The following TMEM266 variants were observed in gnomAD, a reference collection of about 807,000 sequenced individuals.
The protein encoded by TMEM266 is transmembrane protein 266.
In TMEM266, 33 loss-of-function variants were observed where a neutral mutation model predicts 50.5. The observed-to-expected ratio is 0.65, with a 90% CI of 0.50 to 0.87. The LOEUF is 0.87. Among genes scored for constraint, TMEM266 ranks in the 40% least tolerant of loss-of-function variants. TMEM266 has a pLI of 0.00. For synonymous variants in TMEM266, 310 were observed against 292.3 expected, an observed-to-expected ratio of 1.06 and a Z score of -0.62; for missense variants, 655 against 695.1, an observed-to-expected ratio of 0.94 and a Z score of 0.65.
chr15:76,098,594 A>C (rs2036954988), intron 1 of TMEM266, among the ~76,000 whole-genome samples: 1 of 152,120 alleles, frequency 6.6e-6, no homozygotes, highest in Non-Finnish European at 1.5e-5. Context: ...GACCCTTAGC[A>C]GAGCTTGAAC....
chr15:76,177,482 C>G (rs2038305099), intron 8 of TMEM266, among the ~76,000 whole-genome samples: 1 of 152,384 alleles, frequency 6.6e-6, no homozygotes, highest in Non-Finnish European at 1.5e-5. Flanking sequence ...AACACGCACA[C>G]AGTGTCTTCA....
At chr15:76,104,776 C>T (rs1312286137) in intron 1 of TMEM266, among the ~76,000 whole-genome samples, 1 of 152,104 alleles carries the variant, frequency 6.6e-6, no homozygotes, top group Non-Finnish European at 1.5e-5. Flanking sequence ...AGTCAGTCAT[C>T]CAGGAAAGAG....
chr15:76,146,409 T>C (rs2037756695), intron 3 of TMEM266, among the ~76,000 whole-genome samples: 1 of 152,182 alleles, frequency 6.6e-6, no homozygotes, highest in Admixed American at 6.5e-5. Context: ...ATCTTAGGGT[T>C]CTAAAAGGCC....
intron 3 of TMEM266, among the ~76,000 whole-genome samples, chr15:76,142,435 T>C (rs2037695049): frequency 6.6e-6 from 1 of 152,078 alleles, no homozygotes; most frequent in Admixed American, 6.5e-5. Context: ...TGCTTTTGGG[T>C]ATATATCCAA....
chr15:76,164,500 G>A (rs1372873674), intron 5 of TMEM266, among the ~76,000 whole-genome samples: 1 of 149,726 alleles, frequency 6.7e-6, no homozygotes. Context: ...GAGCCACTGT[G>A]TCCAGCCCCA....
chr15:76,125,406 G>C (rs918672401), intron 1 of TMEM266, among the ~76,000 whole-genome samples: 2 of 151,646 alleles, frequency 1.3e-5, no homozygotes, highest in African/African-American at 4.8e-5. Flanking sequence ...TATCAGATAA[G>C]GAGTTAAAAT....
intron 1 of TMEM266, among the ~76,000 whole-genome samples, chr15:76,132,405 G>A (rs979922562): frequency 1.1e-4 from 17 of 151,906 alleles, no homozygotes; most frequent in African/African-American, 4.1e-4. Context: ...CACCGCGCCT[G>A]GCCTACCAAT....
chr15:76,191,293 C>T (rs962650712), intron 8 of TMEM266, among the ~76,000 whole-genome samples: 4 of 152,242 alleles, frequency 2.6e-5, no homozygotes, highest in African/African-American at 9.6e-5. Flanking sequence ...AAATAGGCTG[C>T]CACGCCATCT....
intron 5 of TMEM266, among the ~76,000 whole-genome samples, chr15:76,167,589 C>T (rs1238770316): frequency 6.6e-6 from 1 of 152,046 alleles, no homozygotes; most frequent in Admixed American, 6.5e-5. Context: ...GTAACCTCCG[C>T]CTCCCAGGTT....
At chr15:76,158,703 G>A (rs2037964919) in intron 4 of TMEM266, among the ~76,000 whole-genome samples, 1 of 152,200 alleles carries the variant, frequency 6.6e-6, no homozygotes, top group African/African-American at 2.4e-5. Context: ...AAATAATGGG[G>A]AGAGATTTTA....
chr15:76,169,782 G>A (rs2038159241), intron 5 of TMEM266, 34 bp from the exon 6 acceptor site: 1 of 1,604,362 alleles, frequency 6.2e-7, no homozygotes, highest in African/African-American at 1.3e-5. Flanking sequence ...AGGAAGACCT[G>A]GAGAATAACC....
intron 1 of TMEM266, among the ~76,000 whole-genome samples, chr15:76,130,254 A>AAAACC: frequency 2.9e-5 from 1 of 34,942 alleles, no homozygotes; most frequent in East Asian, 8.0e-4. Context: ...AAAAAAAAAA[A>AAAACC]CCGCCGGGTG....
chr15:76,188,578 G>A (rs913670517), intron 8 of TMEM266, among the ~76,000 whole-genome samples: 6 of 152,092 alleles, frequency 3.9e-5, no homozygotes, highest in Non-Finnish European at 7.3e-5. Flanking sequence ...CTCCAGCCCG[G>A]GTGACGGAGC....
At position 76,203,934 on chromosome 15, in the gene TMEM266, G is replaced by A. The variant is rs770009940; in HGVS notation, c.1215G>A (p.Leu405=). The A allele has an allele frequency of 3.7e-6, 6 of 1,614,018 alleles. No homozygotes were observed. Among genetic ancestry groups the A allele is most frequent in the Non-Finnish European group, 4.2e-6 (5 of 1,180,006 alleles). The stretch of plus-strand genomic sequence containing the variant: ...CCCAGAGTGACAGCAGCCAGACGCT[G>A]GGCTCCTCCATGGACTGCAGCACTG... Residue 405 remains leucine (L), a synonymous_variant, in exon 11 of 11, where the codon CTG becomes CTA. Coordinates refer to ENST00000388942, the MANE Select transcript of TMEM266 (RefSeq NM_152335.3).
In TMEM266 at chr15:76,168,141, G is replaced by A. The variant is rs1237459895; in HGVS notation, c.457-1675G>A. 6.6e-6 allele frequency among the ~76,000 whole-genome samples: 1 copy of A among 152,178 alleles called. No individual in the cohort carries two copies. The highest frequency in any genetic ancestry group is 1.9e-4 in the East Asian group (1 of 5,196). On this transcript the variant is annotated intron_variant, in intron 5 of 10. Coordinates refer to ENST00000388942, the MANE Select transcript of TMEM266 (RefSeq NM_152335.3). The surrounding 1 kb of genome is among the most constrained non-coding windows in gnomAD (Gnocchi z 4.4). ...TTGAGCTCTGATCTCAAGACATTGT[G>A]GCCACCCCACCCAGATCTCTCCCCA...
At position 76,168,158 on chromosome 15, in the gene TMEM266, C is replaced by A. The variant is rs1596147948; in HGVS notation, c.457-1658C>A. On this transcript the variant is annotated intron_variant, in intron 5 of 10. Transcript: ENST00000388942. The surrounding 1 kb of genome is among the most constrained non-coding windows in gnomAD (Gnocchi z 4.4). ...GACATTGTGGCCACCCCACCCAGATCTCTCCCCACCCCTGCAAGCTGTCTC... is the reference window on the plus strand; with the variant it reads ...GACATTGTGGCCACCCCACCCAGATATCTCCCCACCCCTGCAAGCTGTCTC... Among the ~76,000 whole-genome samples the A allele has an allele frequency of 6.6e-6, 1 of 152,064 alleles. No individual in the cohort carries two copies. Among genetic ancestry groups the A allele is most frequent in the South Asian group, 2.1e-4 (1 of 4,826 alleles).
chr15:76,170,464 G>T (rs1306041770), intron 6 of TMEM266, among the ~76,000 whole-genome samples: 2 of 152,262 alleles, frequency 1.3e-5, no homozygotes, highest in Non-Finnish European at 2.9e-5. Flanking sequence ...TCAGAACACG[G>T]CCAGGCTGGG....
chr15:76,203,884 G>C lies in TMEM266; in HGVS notation c.1165G>C (p.Ala389Pro), dbSNP rs1299432851. 6.2e-7 allele frequency: 1 copy of C among 1,614,042 alleles called. No homozygotes were observed. The highest frequency in any genetic ancestry group is 8.5e-7 in the Non-Finnish European group (1 of 1,180,044). Residue 389 changes from alanine (A) to proline (P), a missense_variant, in exon 11 of 11, where the codon GCC becomes CCC. Physicochemically the swap from Ala to Pro is conservative, Grantham distance 27 (BLOSUM62 -1). This residue lies in a region of TMEM266 where 455 missense variants were observed against 401.8 expected (regional missense o/e 1.13). Transcript: ENST00000388942. Reference protein sequence around the residue: ...ESASRSSVTRAQSDSSQTLGS... With the variant: ...ESASRSSVTRPQSDSSQTLGS... ...TGGCACCAGCGCCACCTCGGAGAGT[G>C]CCTCCCGCAGCTCAGTCACCCGGGC... is the stretch of plus-strand genomic sequence containing the variant.
At chr15:76,155,993 C>T (rs1393347419) in intron 3 of TMEM266, among the ~76,000 whole-genome samples, 2 of 152,228 alleles carry the variant, frequency 1.3e-5, no homozygotes, top group African/African-American at 4.8e-5. Context: ...GTCCGCTAAC[C>T]CACCAGATGT....
Sources: gnomAD v4.1 joint callset for allele counts (sites outside exome capture counted in the v4.1 genomes callset) on GRCh38, gnomAD v4.1.1 for gene constraint, gnomAD v4.1.1 regional missense constraint, Gnocchi (gnomAD v3.1) non-coding constraint, MANE v1.5 for transcripts, NCBI Gene and HGNC (gene_info 2026-07-23, HGNC 2026-07-21) for gene names.